The following KIT variants were observed in gnomAD, a reference collection of about 807,000 sequenced individuals.
The protein encoded by KIT is KIT proto-oncogene, receptor tyrosine kinase, also known as mast/stem cell growth factor receptor Kit.
KIT carries 16 observed loss-of-function variants against 105.7 expected under a neutral mutation model. The ratio of observed to expected loss-of-function variants is 0.15; its 90% CI spans 0.10 to 0.23. The LOEUF is 0.23. Among genes scored for constraint, KIT ranks in the 10% least tolerant of loss-of-function variants. The pLI, the probability that KIT is intolerant of heterozygous loss-of-function variation, is 1.00. For synonymous variants in KIT, 438 were observed against 441.1 expected, an observed-to-expected ratio of 0.99 and a Z score of 0.09; for missense variants, 858 against 1,213.8, an observed-to-expected ratio of 0.71 and a Z score of 4.36.
In KIT at chr4:54,690,057, G is replaced by T. The variant is rs868048601; in HGVS notation, c.68-5455G>T. On this transcript the variant is annotated intron_variant, in intron 1 of 20. Coordinates refer to ENST00000288135, the MANE Select transcript of KIT (RefSeq NM_000222.3). ...ATGTATAGAATGTTACTTTTTTTTT[G>T]TGGGGGGGGGGGGCTGTGTAATGTT... 6.5e-3 allele frequency among the ~76,000 whole-genome samples: 713 copies of T among 109,558 alleles called. 15 individuals carry two copies. The highest frequency in any genetic ancestry group is 0.025 in the African/African-American group (669 of 26,434). The allele number at this position is 109,558 out of a possible 152,430, so 71.9% of individuals were successfully genotyped here. A position where few individuals can be genotyped will look rare whatever the true frequency, so the allele number is the denominator to read the frequency against.
At chr4:54,676,457 G>C (rs976233405) in intron 1 of KIT, among the ~76,000 whole-genome samples, 1 of 152,206 alleles carries the variant, frequency 6.6e-6, no homozygotes, top group Non-Finnish European at 1.5e-5. Flanking sequence ...CGTCAGACCA[G>C]GGTGCAATTC....
chr4:54,697,170 A>G (rs1040623869), intron 2 of KIT, among the ~76,000 whole-genome samples: 5 of 152,252 alleles, frequency 3.3e-5, no homozygotes, highest in African/African-American at 9.6e-5. Flanking sequence ...TAAAACAGTA[A>G]CTAGCTATGG....
At chr4:54,738,386 G>C (rs201079680) in intron 20 of KIT, 43 bp from the exon 21 acceptor site, 1 of 1,611,322 alleles carries the variant, frequency 6.2e-7, no homozygotes, top group Non-Finnish European at 8.5e-7. Flanking sequence ...TGCTATGTTC[G>C]TTGTAGGGAC....
intron 1 of KIT, among the ~76,000 whole-genome samples, chr4:54,694,832 G>A (rs1719945224): frequency 6.6e-6 from 1 of 152,174 alleles, no homozygotes; most frequent in African/African-American, 2.4e-5. Context: ...GAATGAAGTG[G>A]CTGTTGTAAA....
intron 6 of KIT, 106 bp from the exon 7 acceptor site, chr4:54,709,318 A>G: frequency 1.3e-6 from 1 of 756,100 alleles, no homozygotes; most frequent in East Asian, 2.6e-5. Flanking sequence ...TAAATGAGTT[A>G]TATTTTTCCT....
chr4:54,738,742 A>T lies in KIT; in HGVS notation c.*185A>T. On this transcript the variant is annotated 3_prime_UTR_variant, in exon 21 of 21. Transcript: ENST00000288135. ...GTCATCAGCCACCATCCTATTGCAAAGGTTCCAACTGTATATATTCCCAAT... is the reference window on the plus strand; with the variant it reads ...GTCATCAGCCACCATCCTATTGCAATGGTTCCAACTGTATATATTCCCAAT... 1 of 723,770 alleles carries T rather than the reference A, an allele frequency of 1.4e-6. No individual in the cohort carries two copies. Among genetic ancestry groups the T allele is most frequent in the South Asian group, 1.6e-5 (1 of 64,018 alleles). The allele number at this position is 723,770 out of a possible 1,614,324, so 44.8% of individuals were successfully genotyped here.
intron 9 of KIT, among the ~76,000 whole-genome samples, chr4:54,726,938 A>T (rs1220295898): frequency 6.6e-6 from 1 of 152,220 alleles, no homozygotes; most frequent in Non-Finnish European, 1.5e-5. Context: ...TATAAAGTGC[A>T]TTCAGATGTT....
chr4:54,666,176 CTTCAAATA>C (rs1170011745), intron 1 of KIT, among the ~76,000 whole-genome samples: 3 of 152,122 alleles, frequency 2.0e-5, no homozygotes, highest in Non-Finnish European at 4.4e-5. Flanking sequence ...GAATGACAGT[CTTCAAATA>C]TTTTTAGTGT....
chr4:54,673,460 T>C (rs1194766919), intron 1 of KIT, among the ~76,000 whole-genome samples: 3 of 152,238 alleles, frequency 2.0e-5, no homozygotes. Context: ...ATTATTTTCT[T>C]TATTTTTAAT....
At chr4:54,694,909 T>C (rs147355959) in intron 1 of KIT, among the ~76,000 whole-genome samples, 2 of 152,324 alleles carry the variant, frequency 1.3e-5, no homozygotes, top group East Asian at 1.9e-4. Flanking sequence ...AATAGTTTCC[T>C]ATCTAGGAAA....
intron 13 of KIT, among the ~76,000 whole-genome samples, chr4:54,728,967 G>A (rs1019647467): frequency 7.9e-5 from 12 of 152,098 alleles, no homozygotes; most frequent in Admixed American, 5.2e-4. Flanking sequence ...CCATAATAAC[G>A]TTACAGAGAG....
rs781588289 is a variant in KIT at position 54,729,430 on chromosome 4, G to A, written c.2086G>A (p.Asp696Asn). The A allele has an allele frequency of 2.5e-6, 4 of 1,613,756 alleles. No homozygotes were observed. The highest frequency in any genetic ancestry group is 3.4e-6 in the Non-Finnish European group (4 of 1,179,780). ...TTCATTTATTTGTTCAAAGCAGGAA[G>A]ATCATGCAGAAGCTGCACTTTATAA... ...RDSFICSKQE[D>N]HAEAALYKNL... is the part of the protein sequence containing the mutation. Residue 696 changes from aspartate to asparagine, a missense_variant, in exon 14 of 21, where the codon GAT (aspartate) becomes AAT (asparagine). By Grantham distance (23) the Asp-to-Asn change is conservative. Transcript: ENST00000288135.
chr4:54,728,165 CAA>C (rs747170156), intron 13 of KIT, 44 bp downstream of exon 13: 1 of 1,328,306 alleles, frequency 7.5e-7, no homozygotes, highest in East Asian at 2.3e-5. Context: ...GTCAGGTTAT[CAA>C]AACATGACAT....
intron 7 of KIT, among the ~76,000 whole-genome samples, chr4:54,712,317 CCTCAGTGCTTCTT>C (rs1402749994): frequency 4.6e-5 from 7 of 152,168 alleles, no homozygotes; most frequent in African/African-American, 1.7e-4. Flanking sequence ...AATTGCTCCT[CCTCAGTGCTTCTT>C]CTCAGTTTCT....
intron 1 of KIT, among the ~76,000 whole-genome samples, chr4:54,691,991 A>G (rs1719745259): frequency 6.6e-6 from 1 of 152,210 alleles, no homozygotes; most frequent in Admixed American, 6.5e-5. Context: ...TGGAAGGCCA[A>G]TAAGAAGTTC....
intron 17 of KIT, among the ~76,000 whole-genome samples, chr4:54,735,847 A>T (rs145308631): frequency 7.2e-4 from 109 of 152,154 alleles, no homozygotes; most frequent in African/African-American, 2.3e-3. Flanking sequence ...TCCATGGAGT[A>T]CCCGGGCAAG....
chr4:54,657,982 G>A lies in KIT; in HGVS notation c.-33G>A, dbSNP rs769150955. 1.9e-6 allele frequency: 3 copies of A among 1,609,434 alleles called. No individual in the cohort carries two copies. The African/African-American group carries it at 4.0e-5, about 22-fold the overall frequency. ...GCACTTGGGCGAGAGCTGGAACGTG[G>A]ACCAGAGCTCGGATCCCATCGCAGC... On this transcript the variant is annotated 5_prime_UTR_variant, in exon 1 of 21. Transcript: ENST00000288135.
At chr4:54,728,769 C>G (rs1398020683) in intron 13 of KIT, among the ~76,000 whole-genome samples, 1 of 152,134 alleles carries the variant, frequency 6.6e-6, no homozygotes, top group East Asian at 1.9e-4. Flanking sequence ...ATTTCTTACC[C>G]AAGTTAATTA....
chr4:54,728,026 C>T lies in KIT; in HGVS notation c.1895C>T (p.Thr632Ile), dbSNP rs1553891944. The change falls in exon 13 of 21, where the codon ACA becomes ATA. Residue 632 changes from threonine (T) to isoleucine (I), a missense_variant. Thr to Ile is a moderately conservative substitution (Grantham distance 89). This residue lies in a region of KIT where 158 missense variants were observed against 218.7 expected (regional missense o/e 0.72). Transcript: ENST00000288135. The part of the protein sequence containing the change: ...VKMLKPSAHL[T>I]EREALMSELK... ...CCAATTTTAGCGAGTGCCCATTTGA[C>T]AGAACGGGAAGCCCTCATGTCTGAA... is the stretch of plus-strand genomic sequence containing the variant. 1 of 1,613,968 alleles carries T rather than the reference C, an allele frequency of 6.2e-7. No individual in the cohort carries two copies. The highest frequency in any genetic ancestry group is 8.5e-7 in the Non-Finnish European group (1 of 1,179,902).
Sources: gnomAD v4.1 joint callset for allele counts (sites outside exome capture counted in the v4.1 genomes callset) on GRCh38, gnomAD v4.1.1 for gene constraint, gnomAD v4.1.1 regional missense constraint, MANE v1.5 for transcripts, NCBI Gene and HGNC (gene_info 2026-07-23, HGNC 2026-07-21) for gene names.